LACTB: variants seen among roughly 807,000 people sequenced by gnomAD.
LACTB encodes the protein lactamase beta, also known as serine beta-lactamase-like protein LACTB, mitochondrial.
A neutral mutation model predicts 50.2 loss-of-function variants in LACTB; 35 were observed. The observed-to-expected ratio is 0.70, with a 90% CI of 0.53 to 0.92. The LOEUF is 0.92. Among genes scored for constraint, LACTB ranks in the 40% least tolerant of loss-of-function variants. LACTB has a pLI of 0.00. For missense variants in LACTB, 664 were observed against 691.8 expected (o/e 0.96, Z 0.45); for synonymous variants, 252 against 268.2 (o/e 0.94, Z 0.59).
intron 5 of LACTB, among the ~76,000 whole-genome samples, chr15:63,139,303 C>G (rs1286952698): frequency 6.6e-6 from 1 of 150,436 alleles, no homozygotes. Flanking sequence ...GAACAGTGAG[C>G]TGAGATTGTG....
intron 5 of LACTB, among the ~76,000 whole-genome samples, chr15:63,138,777 C>T (rs2037198089): frequency 6.6e-6 from 1 of 152,090 alleles, no homozygotes; most frequent in Non-Finnish European, 1.5e-5. Context: ...CAGTGGCTTA[C>T]ACCTGTAATC....
intron 3 of LACTB, 118 bp downstream of exon 3, chr15:63,127,167 G>A: frequency 1.0e-6 from 1 of 962,170 alleles, no homozygotes; most frequent in South Asian, 1.8e-5. Flanking sequence ...TAATGTATTA[G>A]TTTTTCTTAA....
At chr15:63,131,745 G>C (rs1208725802) in intron 5 of LACTB, among the ~76,000 whole-genome samples, 1 of 152,088 alleles carries the variant, frequency 6.6e-6, no homozygotes, top group African/African-American at 2.4e-5. Context: ...AAGAGTTTGA[G>C]ACTAGCTAGG....
intron 5 of LACTB, among the ~76,000 whole-genome samples, chr15:63,133,314 T>C (rs1048667091): frequency 6.6e-6 from 1 of 152,180 alleles, no homozygotes; most frequent in African/African-American, 2.4e-5. Context: ...TAACTACTAA[T>C]TTACATAATC....
At position 63,127,602 on chromosome 15, in the gene LACTB, C is replaced by G; in HGVS notation, c.865C>G (p.Gln289Glu). Residue 289 changes from glutamine (Q) to glutamate (E), a missense_variant, in exon 4 of 6, where the codon CAA becomes GAA. Gln to Glu is a conservative substitution (Grantham distance 29, BLOSUM62 2). Transcript: ENST00000261893. Reference protein sequence around the residue: ...KPGKKKNDFEQGELYLREKFE... With the variant: ...KPGKKKNDFEEGELYLREKFE... ...TGGCAAGAAAAAGAATGATTTTGAACAAGGCGAATTATATTTGAGAGAAAA... is the reference window on the plus strand; with the variant it reads ...TGGCAAGAAAAAGAATGATTTTGAAGAAGGCGAATTATATTTGAGAGAAAA... 1 of 1,612,834 alleles carries G rather than the reference C, an allele frequency of 6.2e-7. No homozygotes were observed. Among genetic ancestry groups the G allele is most frequent in the African/African-American group, 1.3e-5 (1 of 74,990 alleles).
intron 5 of LACTB, among the ~76,000 whole-genome samples, chr15:63,138,524 A>G (rs1353405769): frequency 6.6e-6 from 1 of 152,204 alleles, no homozygotes; most frequent in African/African-American, 2.4e-5. Flanking sequence ...GGAATTTGAA[A>G]TGGTAAAGTT....
intron 5 of LACTB, among the ~76,000 whole-genome samples, chr15:63,133,579 C>T (rs986284002): frequency 1.3e-5 from 2 of 152,178 alleles, no homozygotes; most frequent in African/African-American, 4.8e-5. Context: ...TTATACCCTG[C>T]TCTCCAGCCT....
At position 63,122,061 on chromosome 15, in the gene LACTB, GC is replaced by G; in HGVS notation, c.194del (p.Pro65ArgfsTer63). On this transcript the variant is annotated frameshift_variant, in exon 1 of 6. Coordinates refer to ENST00000261893, the MANE Select transcript of LACTB (RefSeq NM_032857.5). LOFTEE classifies it high-confidence loss of function. ...VKLAGGLRGA[A>X]PAQSPAAPDP... is the part of the protein sequence containing the mutation. ...GCTGGCAGGTGGGCTGAGGGGCGCGGCCCCGGCGCAGTCCCCCGCGGCCCCC... is the reference window on the plus strand; with the variant it reads ...GCTGGCAGGTGGGCTGAGGGGCGCGGCCCGGCGCAGTCCCCCGCGGCCCCC... 7.0e-7 allele frequency: 1 copy of G among 1,433,788 alleles called. No individual in the cohort carries two copies. Among genetic ancestry groups the G allele is most frequent in the East Asian group, 3.0e-5 (1 of 33,166 alleles). 88.8% of individuals were successfully genotyped at this position (1,433,788 alleles called of 1,614,324 possible). A position where few individuals can be genotyped will look rare whatever the true frequency, so the allele number is the denominator to read the frequency against.
rs1397168502 is a variant in LACTB at position 63,125,539 on chromosome 15, A to G, written c.425-1320A>G. ...ATAATCTAATCATTATACCTAATTT[A>G]TGATAAGTCTTGTAATCAAAAATTA... On this transcript the variant is annotated intron_variant, in intron 2 of 5. Transcript: ENST00000261893. 5.9e-5 allele frequency among the ~76,000 whole-genome samples: 9 copies of G among 152,238 alleles called. No individual in the cohort carries two copies. In the East Asian group the frequency reaches 1.7e-3, roughly 29 times the overall value.
chr15:63,141,369 C>T lies in LACTB; in HGVS notation c.1208C>T (p.Thr403Ile), dbSNP rs2037226625. The change falls in exon 6 of 6, where the codon ACA becomes ATA. Residue 403 changes from threonine (T) to isoleucine (I), a missense_variant. Transcript: ENST00000261893. ...YKWAGGGFLSTVGDLLKFGNA... is the reference protein window; with the variant it reads ...YKWAGGGFLSIVGDLLKFGNA... Reference sequence around the variant, plus strand: ...TGGGCTGGTGGTGGATTTCTGTCTACAGTGGGTGACCTTCTGAAATTTGGG... The same window carrying T: ...TGGGCTGGTGGTGGATTTCTGTCTATAGTGGGTGACCTTCTGAAATTTGGG... 6.2e-7 allele frequency: 1 copy of T among 1,614,198 alleles called. No individual in the cohort carries two copies.
chr15:63,125,368 A>G (rs1160186432), intron 2 of LACTB, among the ~76,000 whole-genome samples: 1 of 151,710 alleles, frequency 6.6e-6, no homozygotes, highest in African/African-American at 2.4e-5. Context: ...GGGATTCTCC[A>G]TGTTGGTCAG....
At position 63,141,161 on chromosome 15, in the gene LACTB, C is replaced by T; in HGVS notation, c.1119-119C>T. The T allele has an allele frequency of 2.1e-6, 3 of 1,441,480 alleles. No homozygotes were observed. In the African/African-American group the frequency reaches 4.3e-5, roughly 21 times the overall value. The allele number at this position is 1,441,480 out of a possible 1,614,324, so 89.3% of individuals were successfully genotyped here. ...AAAATTAGTGGTTAGTTTATAGTTT[C>T]TGAGAATGTATGATCATTACATTGA... On this transcript the variant is annotated intron_variant, in intron 5 of 5. Coordinates refer to ENST00000261893, the MANE Select transcript of LACTB (RefSeq NM_032857.5).
intron 5 of LACTB, among the ~76,000 whole-genome samples, chr15:63,131,804 G>C (rs1414776873): frequency 6.6e-6 from 1 of 152,048 alleles, no homozygotes; most frequent in Non-Finnish European, 1.5e-5. Flanking sequence ...AATTAGCCAG[G>C]CATGGTGGTG....
intron 5 of LACTB, among the ~76,000 whole-genome samples, chr15:63,137,159 A>G (rs2037185802): frequency 6.6e-6 from 1 of 152,218 alleles, no homozygotes; most frequent in South Asian, 2.1e-4. Flanking sequence ...CAGTGGGGAC[A>G]CTGTTTCTGT....
At chr15:63,141,152 T>C in intron 5 of LACTB, 128 bp from the exon 6 acceptor site, 19 of 1,438,720 alleles carry the variant, frequency 1.3e-5, no homozygotes, top group Non-Finnish European at 1.6e-5. Flanking sequence ...AGTGGTTAGT[T>C]TATAGTTTCT....
intron 5 of LACTB, chr15:63,130,576 A>C (rs1015844295): frequency 2.6e-5 from 4 of 152,006 alleles, no homozygotes; most frequent in African/African-American, 9.7e-5. Context: ...CTTTTATTAA[A>C]TCTACAGACC....
At chr15:63,125,293 G>T (rs570495414) in intron 2 of LACTB, among the ~76,000 whole-genome samples, 91 of 151,340 alleles carry the variant, frequency 6.0e-4, no homozygotes, top group Non-Finnish European at 1.1e-3. Flanking sequence ...TCGTCCTCCC[G>T]ATTAGCTGGG....
Position 63,127,537 on chromosome 15 carries a change from C to A in LACTB, c.800C>A (p.Thr267Lys), listed in dbSNP as rs896127135. Residue 267 changes from threonine (T) to lysine (K), a missense_variant, in exon 4 of 6, where the codon ACA becomes AAA. By Grantham distance (78) the Thr-to-Lys change is moderately conservative. Coordinates refer to ENST00000261893, the MANE Select transcript of LACTB (RefSeq NM_032857.5). ...AAGAATGATTTTACTAAATTTAAAACAGAGCAGGAGAATGAAGCCAAATGC... is the reference window on the plus strand; with the variant it reads ...AAGAATGATTTTACTAAATTTAAAAAAGAGCAGGAGAATGAAGCCAAATGC... ...NEKNDFTKFK[T>K]EQENEAKCRN... The A allele has an allele frequency of 6.2e-7, 1 of 1,613,520 alleles. No homozygotes were observed. Among genetic ancestry groups the A allele is most frequent in the African/African-American group, 1.3e-5 (1 of 74,890 alleles).
chr15:63,131,781 C>A (rs530286257), intron 5 of LACTB, among the ~76,000 whole-genome samples: 3 of 152,002 alleles, frequency 2.0e-5, no homozygotes, highest in African/African-American at 7.2e-5. Flanking sequence ...CCCGTCTCCA[C>A]AAAAAATACA....
Sources: gnomAD v4.1 joint callset for allele counts (sites outside exome capture counted in the v4.1 genomes callset) on GRCh38, gnomAD v4.1.1 for gene constraint, MANE v1.5 for transcripts, NCBI Gene and HGNC (gene_info 2026-07-23, HGNC 2026-07-21) for gene names.